BBX: variants seen among roughly 807,000 people sequenced by gnomAD.
BBX encodes BBX high mobility group box domain containing, also known as HMG box transcription factor BBX.
A neutral mutation model predicts 100.2 loss-of-function variants in BBX; 30 were observed. The ratio of observed to expected loss-of-function variants is 0.30; its 90% CI spans 0.22 to 0.41. BBX has a LOEUF of 0.41. Among genes scored for constraint, BBX ranks in the 10% least tolerant of loss-of-function variants. BBX has a pLI of 1.00. For synonymous variants in BBX, 376 were observed against 388.1 expected, an observed-to-expected ratio of 0.97 and a Z score of 0.37; for missense variants, 1,023 against 1,129.8, an observed-to-expected ratio of 0.91 and a Z score of 1.35.
At chr3:107,787,182 T>C (rs1156467299) in intron 13 of BBX, among the ~76,000 whole-genome samples, 1 of 152,132 alleles carries the variant, frequency 6.6e-6, no homozygotes, top group Non-Finnish European at 1.5e-5. Context: ...TGGCCTAAGC[T>C]TTATTATTTC....
intron 2 of BBX, among the ~76,000 whole-genome samples, chr3:107,533,955 T>G (rs1340405789): frequency 2.0e-5 from 3 of 152,200 alleles, no homozygotes; most frequent in African/African-American, 7.2e-5. Flanking sequence ...AATAATTAAT[T>G]ATGAAATGTT....
At chr3:107,596,591 A>G (rs2053682988) in intron 2 of BBX, among the ~76,000 whole-genome samples, 1 of 152,156 alleles carries the variant, frequency 6.6e-6, no homozygotes, top group Non-Finnish European at 1.5e-5. Flanking sequence ...GCAGAGATGC[A>G]GAGAAGCAGA....
At chr3:107,755,794 C>G (rs916010170) in intron 10 of BBX, 116 bp downstream of exon 10, 4 of 866,098 alleles carry the variant, frequency 4.6e-6, no homozygotes, top group Non-Finnish European at 7.1e-6. Flanking sequence ...TGAGTTACAT[C>G]TAATTTTCAA....
At chr3:107,738,527 AT>A (rs1331322590) in intron 7 of BBX, among the ~76,000 whole-genome samples, 1 of 152,202 alleles carries the variant, frequency 6.6e-6, no homozygotes, top group Admixed American at 6.5e-5. Context: ...ATAAGTAAAT[AT>A]TTACCATTAG....
At chr3:107,765,732 C>T (rs977174110) in intron 10 of BBX, among the ~76,000 whole-genome samples, 12 of 152,296 alleles carry the variant, frequency 7.9e-5, no homozygotes, top group Middle Eastern at 3.4e-3. Context: ...CCCCTGCTTC[C>T]ACCTGGGTTC....
intron 2 of BBX, among the ~76,000 whole-genome samples, chr3:107,580,850 C>T (rs901833029): frequency 1.3e-5 from 2 of 152,190 alleles, no homozygotes; most frequent in Non-Finnish European, 2.9e-5. Flanking sequence ...AGGCTGGTCT[C>T]AAACTCCTGA....
intron 3 of BBX, among the ~76,000 whole-genome samples, chr3:107,685,613 T>C (rs1252052558): frequency 6.6e-6 from 1 of 152,248 alleles, no homozygotes; most frequent in East Asian, 1.9e-4. Context: ...ATTTCCACTT[T>C]TCTGATTGCT....
At chr3:107,609,346 C>CT (rs1559869522) in intron 2 of BBX, among the ~76,000 whole-genome samples, 1 of 152,094 alleles carries the variant, frequency 6.6e-6, no homozygotes, top group East Asian at 1.9e-4. Flanking sequence ...CTATACTTTT[C>CT]TTTTTTTGAT....
At chr3:107,784,164 C>T (rs1008036418) in intron 13 of BBX, among the ~76,000 whole-genome samples, 1 of 151,862 alleles carries the variant, frequency 6.6e-6, no homozygotes, top group Admixed American at 6.6e-5. Context: ...AATGGGGGAA[C>T]CAGACAATAA....
At position 107,782,587 on chromosome 3, in the gene BBX, C is replaced by G. The variant is rs185321901; in HGVS notation, c.2203+4068C>G. On this transcript the variant is annotated intron_variant, in intron 13 of 17. Coordinates refer to ENST00000325805, the MANE Select transcript of BBX (RefSeq NM_001142568.3). ...TCATGCTGAAGTGGCTCCTGTGTCA[C>G]TGCAACTTCTCACCCCCAAAACATT... is the stretch of plus-strand genomic sequence containing the variant. Among the ~76,000 whole-genome samples, 46 of 152,186 alleles carry G rather than the reference C, an allele frequency of 3.0e-4. No individual in the cohort carries two copies. In the East Asian group the frequency reaches 7.7e-3, roughly 26 times the overall value.
intron 2 of BBX, among the ~76,000 whole-genome samples, chr3:107,585,565 C>T (rs1008423271): frequency 5.3e-5 from 8 of 152,124 alleles, no homozygotes; most frequent in Admixed American, 1.3e-4. Flanking sequence ...CTCCCCTCCC[C>T]GCTGCCATTA....
chr3:107,745,719 A>G (rs1289581037), intron 8 of BBX, among the ~76,000 whole-genome samples: 1 of 152,030 alleles, frequency 6.6e-6, no homozygotes. Flanking sequence ...CCGTCAGAGT[A>G]CTGGATTACA....
intron 3 of BBX, among the ~76,000 whole-genome samples, chr3:107,667,594 A>G (rs774664500): frequency 1.8e-4 from 28 of 151,996 alleles, no homozygotes; most frequent in Admixed American, 5.9e-4. Context: ...AAATGCATTT[A>G]TGATAGATTC....
At chr3:107,582,843 A>T (rs528627526) in intron 2 of BBX, among the ~76,000 whole-genome samples, 31 of 152,114 alleles carry the variant, frequency 2.0e-4, no homozygotes, top group Non-Finnish European at 3.5e-4. Flanking sequence ...ACATAATTTT[A>T]CTTTTTTTGA....
intron 2 of BBX, among the ~76,000 whole-genome samples, chr3:107,581,090 G>A (rs755750360): frequency 1.3e-5 from 2 of 152,108 alleles, no homozygotes; most frequent in African/African-American, 2.4e-5. Flanking sequence ...TCTTGAATGA[G>A]TTTTGCTTAA....
At chr3:107,626,661 T>A (rs2056200284) in intron 2 of BBX, among the ~76,000 whole-genome samples, 1 of 151,620 alleles carries the variant, frequency 6.6e-6, no homozygotes, top group South Asian at 2.1e-4. Context: ...AGGATTTTTT[T>A]TTTTTTTTTT....
At chr3:107,785,428 C>A (rs2068313842) in intron 13 of BBX, among the ~76,000 whole-genome samples, 1 of 151,828 alleles carries the variant, frequency 6.6e-6, no homozygotes, top group African/African-American at 2.4e-5. Context: ...CACAGAAATC[C>A]TCAACAAAAC....
At chr3:107,751,155 G>A (rs899268858) in intron 9 of BBX, among the ~76,000 whole-genome samples, 2 of 152,008 alleles carry the variant, frequency 1.3e-5, no homozygotes, top group Non-Finnish European at 2.9e-5. Flanking sequence ...ACTTCACGGT[G>A]GAAGGGTCAA....
intron 4 of BBX, chr3:107,711,497 A>T: frequency 2.9e-6 from 1 of 345,692 alleles, no homozygotes; most frequent in South Asian, 2.3e-5. Context: ...CTTGGCTTTC[A>T]TCAGGAATTA....
Sources: gnomAD v4.1 joint callset for allele counts (sites outside exome capture counted in the v4.1 genomes callset) on GRCh38, gnomAD v4.1.1 for gene constraint, MANE v1.5 for transcripts, NCBI Gene and HGNC (gene_info 2026-07-23, HGNC 2026-07-21) for gene names.